Variants in ZFAND3 observed in about 807,000 individuals in gnomAD.
The protein encoded by ZFAND3 is AN1-type zinc finger protein 3.
In ZFAND3, 10 loss-of-function variants were observed where a neutral mutation model predicts 29.6. That is an observed-to-expected ratio of 0.34 (90% CI 0.21 to 0.57). ZFAND3 has a LOEUF of 0.57. Among genes scored for constraint, ZFAND3 ranks in the 20% least tolerant of loss-of-function variants. ZFAND3 has a pLI of 0.86. For missense variants in ZFAND3, 230 were observed against 304.5 expected (o/e 0.76, Z 1.82); for synonymous variants, 128 against 112.6 (o/e 1.14, Z -0.87).
At chr6:38,092,617 G>A (rs1764897047) in intron 4 of ZFAND3, among the ~76,000 whole-genome samples, 2 of 152,088 alleles carry the variant, frequency 1.3e-5, no homozygotes, top group Admixed American at 1.3e-4. Context: ...CTAGGAGTAG[G>A]ACTGTGTTTT....
chr6:37,866,662 C>T (rs1408606626), intron 1 of ZFAND3, among the ~76,000 whole-genome samples: 1 of 152,178 alleles, frequency 6.6e-6, no homozygotes, highest in Non-Finnish European at 1.5e-5. Context: ...TTGAAAAAGA[C>T]ATTTTGAGTG....
rs1562016015 is a variant in ZFAND3, at chr6:38,144,206, TATATAATATATA to T, written c.530-8023_530-8012del. Among the ~76,000 whole-genome samples, 9 of 44,272 alleles carry T rather than the reference TATATAATATATA, an allele frequency of 2.0e-4. 2 individuals carry two copies. Among genetic ancestry groups the T allele is most frequent in the East Asian group, 1.9e-3 (6 of 3,114 alleles). The allele number at this position is 44,272 out of a possible 152,430, so 29.0% of individuals were successfully genotyped here. On this transcript the variant is annotated intron_variant, in intron 5 of 5. Transcript: ENST00000287218. ...TATAATATATATATATATATATATA[TATATAATATATA>T]ATATATATATATATTTTTTTTTTAA...
chr6:37,916,929 A>G (rs996269674), intron 1 of ZFAND3, among the ~76,000 whole-genome samples: 20 of 152,322 alleles, frequency 1.3e-4, no homozygotes, highest in African/African-American at 4.6e-4. Context: ...GCCTGTTAGT[A>G]GCTGTCCTGG....
intron 2 of ZFAND3, among the ~76,000 whole-genome samples, chr6:37,960,304 A>T (rs2127424292): frequency 6.6e-6 from 1 of 152,356 alleles, no homozygotes; most frequent in South Asian, 2.1e-4. Context: ...CATACTTAGC[A>T]AAATCATTTG....
At chr6:37,929,080 ATT>A (rs1761544015) in intron 1 of ZFAND3, among the ~76,000 whole-genome samples, 2 of 152,204 alleles carry the variant, frequency 1.3e-5, no homozygotes, top group African/African-American at 4.8e-5. Flanking sequence ...ATAGTGTTCC[ATT>A]ATTGGAACAC....
At chr6:37,907,871 A>G (rs1333294559) in intron 1 of ZFAND3, among the ~76,000 whole-genome samples, 1 of 152,198 alleles carries the variant, frequency 6.6e-6, no homozygotes, top group Non-Finnish European at 1.5e-5. Flanking sequence ...CCATTTGTAG[A>G]TATTATACTT....
At chr6:38,028,069 G>A (rs1763482702) in intron 2 of ZFAND3, among the ~76,000 whole-genome samples, 1 of 152,170 alleles carries the variant, frequency 6.6e-6, no homozygotes, top group Non-Finnish European at 1.5e-5. Flanking sequence ...TTTGGAATTT[G>A]TCTTCAGTTT....
chr6:37,897,218 G>A (rs760029170), intron 1 of ZFAND3, among the ~76,000 whole-genome samples: 5 of 152,076 alleles, frequency 3.3e-5, no homozygotes, highest in Admixed American at 2.6e-4. Flanking sequence ...TTGTCTGTAC[G>A]TAACTATTAT....
intron 2 of ZFAND3, among the ~76,000 whole-genome samples, chr6:38,036,061 C>G (rs951544310): frequency 1.3e-5 from 2 of 152,200 alleles, no homozygotes; most frequent in Non-Finnish European, 2.9e-5. Flanking sequence ...GGTCCCCTCT[C>G]TCCCAGACTC....
intron 1 of ZFAND3, among the ~76,000 whole-genome samples, chr6:37,897,210 G>A (rs1302411463): frequency 6.6e-6 from 1 of 152,040 alleles, no homozygotes; most frequent in Non-Finnish European, 1.5e-5. Context: ...TTAAAGCCTT[G>A]TCTGTACGTA....
chr6:38,010,324 A>G (rs769077385), intron 2 of ZFAND3, among the ~76,000 whole-genome samples: 8 of 152,188 alleles, frequency 5.3e-5, no homozygotes, highest in Admixed American at 5.2e-4. Flanking sequence ...CCATATAGAC[A>G]GTGGCCTCAG....
intron 1 of ZFAND3, among the ~76,000 whole-genome samples, chr6:37,918,227 C>T (rs991318161): frequency 6.6e-6 from 1 of 152,098 alleles, no homozygotes; most frequent in Non-Finnish European, 1.5e-5. Context: ...CAGGCACCCA[C>T]CACCACGCTG....
chr6:37,962,847 C>A (rs1378870263), intron 2 of ZFAND3, among the ~76,000 whole-genome samples: 1 of 152,190 alleles, frequency 6.6e-6, no homozygotes, highest in Non-Finnish European at 1.5e-5. Flanking sequence ...CTCTTTGGGT[C>A]CGCACTGCCT....
chr6:37,954,148 T>C (rs1762046285), intron 2 of ZFAND3, among the ~76,000 whole-genome samples: 1 of 152,168 alleles, frequency 6.6e-6, no homozygotes, highest in South Asian at 2.1e-4. Context: ...GCTTTTAAAA[T>C]TTTCTCTTTA....
intron 1 of ZFAND3, among the ~76,000 whole-genome samples, chr6:37,925,460 T>C (rs1176370580): frequency 3.3e-5 from 5 of 152,160 alleles, no homozygotes; most frequent in African/African-American, 9.7e-5. Context: ...CCCAGCACTT[T>C]GGGAGGCCGA....
At chr6:37,895,981 C>T (rs565460665) in intron 1 of ZFAND3, among the ~76,000 whole-genome samples, 10 of 152,286 alleles carry the variant, frequency 6.6e-5, no homozygotes, top group Non-Finnish European at 1.3e-4. Context: ...ACGCACTATT[C>T]TAGGCCCTGT....
At chr6:37,931,730 G>T (rs544010160) in intron 2 of ZFAND3, among the ~76,000 whole-genome samples, 3 of 152,178 alleles carry the variant, frequency 2.0e-5, no homozygotes, top group African/African-American at 7.2e-5. Flanking sequence ...TTTTATTAAA[G>T]AGATTTTTTT....
chr6:37,836,788 A>AT (rs1763976294), intron 1 of ZFAND3, among the ~76,000 whole-genome samples: 1 of 152,028 alleles, frequency 6.6e-6, no homozygotes, highest in Non-Finnish European at 1.5e-5. Context: ...TTTTAGGGTA[A>AT]TTTTTTAAAA....
At chr6:38,114,792 A>G (rs1765385644) in intron 4 of ZFAND3, among the ~76,000 whole-genome samples, 1 of 152,214 alleles carries the variant, frequency 6.6e-6, no homozygotes, top group Admixed American at 6.5e-5. Flanking sequence ...AGCCACTTTA[A>G]GTAGAACATT....
Sources: allele counts gnomAD v4.1 joint callset (sites outside exome capture counted in the v4.1 genomes callset), GRCh38; gene constraint gnomAD v4.1.1; transcripts MANE v1.5; gene names NCBI Gene and HGNC (gene_info 2026-07-23, HGNC 2026-07-21).